The following CDYL variants were observed in gnomAD, a reference collection of about 807,000 sequenced individuals.
CDYL encodes chromodomain Y-like protein.
In CDYL, 8 loss-of-function variants were observed where a neutral mutation model predicts 47.3. That is an observed-to-expected ratio of 0.17 (90% CI 0.10 to 0.31). The LOEUF (loss-of-function observed/expected upper bound fraction) is 0.31, where lower values mean the gene tolerates loss of function less well. CDYL is among the 10% of genes least tolerant of loss of function. The probability of loss-of-function intolerance (pLI) is 1.00; values close to 1 mark genes in which losing one functional copy is unlikely to be tolerated. For synonymous variants in CDYL, 266 were observed against 265.0 expected (o/e 1.00, Z -0.04); for missense variants, 471 against 701.4 (o/e 0.67, Z 3.71).
intron 1 of CDYL, among the ~76,000 whole-genome samples, chr6:4,835,493 C>G (rs982203138): frequency 2.0e-5 from 3 of 152,228 alleles, no homozygotes; most frequent in African/African-American, 7.2e-5. Flanking sequence ...TGGGGAGTGC[C>G]TCCCAGTTAG....
chr6:4,933,306 C>T (rs965490390), intron 2 of CDYL, among the ~76,000 whole-genome samples: 2 of 152,202 alleles, frequency 1.3e-5, no homozygotes, highest in Non-Finnish European at 2.9e-5. Flanking sequence ...CACATCTCCA[C>T]CTGGATGCTC....
intron 2 of CDYL, among the ~76,000 whole-genome samples, chr6:4,717,115 G>A (rs931717393): frequency 1.3e-5 from 2 of 152,100 alleles, no homozygotes; most frequent in African/African-American, 2.4e-5. Flanking sequence ...TAGGATATAA[G>A]GGGTCCAAAG....
At chr6:4,891,151 G>A (rs774815161) in intron 1 of CDYL, among the ~76,000 whole-genome samples, 5 of 152,150 alleles carry the variant, frequency 3.3e-5, no homozygotes, top group African/African-American at 7.2e-5. Context: ...TAACCTGATC[G>A]CTCTAGACTG....
At chr6:4,882,303 A>G (rs778989983) in intron 1 of CDYL, among the ~76,000 whole-genome samples, 7 of 152,166 alleles carry the variant, frequency 4.6e-5, no homozygotes, top group Non-Finnish European at 4.4e-5. Context: ...AATCCATGGG[A>G]TTTGTAGCTG....
intron 1 of CDYL, among the ~76,000 whole-genome samples, chr6:4,891,012 T>C (rs546762961): frequency 1.3e-5 from 2 of 152,350 alleles, no homozygotes; most frequent in East Asian, 3.9e-4. Context: ...TGATAAAACG[T>C]GCTTACAAGG....
At chr6:4,791,022 C>T (rs1373933303) in intron 1 of CDYL, among the ~76,000 whole-genome samples, 1 of 152,176 alleles carries the variant, frequency 6.6e-6, no homozygotes, top group Non-Finnish European at 1.5e-5. Context: ...TAGGTACAAA[C>T]TGATGATTTA....
intron 3 of CDYL, among the ~76,000 whole-genome samples, chr6:4,756,351 A>G (rs1053670058): frequency 6.6e-6 from 1 of 152,142 alleles, no homozygotes; most frequent in African/African-American, 2.4e-5. Flanking sequence ...TGCTTGGAAT[A>G]GGCATTTTAC....
In CDYL at chr6:4,756,574, G is replaced by GTGTGTCTGTGTGTGTC. The variant is rs1382372874; in HGVS notation, c.186+21735_186+21736insCTGTGTGTGTCTGTGT. ...AGTAATTGTAGTAATTAAAATTATC[G>GTGTGTCTGTGTGTGTC]TGTGTATGTGTGTGTGTGTGTGTGT... On this transcript the variant is annotated intron_variant, in intron 3 of 8. Coordinates refer to the CDYL transcript ENST00000328908. 8.7e-3 allele frequency among the ~76,000 whole-genome samples: 1,155 copies of GTGTGTCTGTGTGTGTC among 133,426 alleles called. 16 individuals carry two copies. Among genetic ancestry groups the GTGTGTCTGTGTGTGTC allele is most frequent in the African/African-American group, 0.034 (1,038 of 30,560 alleles). 87.5% of individuals were successfully genotyped at this position (133,426 alleles called of 152,430 possible).
intron 1 of CDYL, among the ~76,000 whole-genome samples, chr6:4,807,924 A>C (rs1456392477): frequency 1.3e-5 from 2 of 151,602 alleles, no homozygotes; most frequent in Admixed American, 1.3e-4. Context: ...GTCTTTATGC[A>C]CTTAGATTTT....
chr6:4,841,368 T>C lies in CDYL; in HGVS notation c.25-50345T>C, dbSNP rs556230336. 5.3e-5 allele frequency among the ~76,000 whole-genome samples: 8 copies of C among 152,284 alleles called. No individual in the cohort carries two copies. The South Asian group carries it at 1.5e-3, about 28-fold the overall frequency. ...CCAGCTTTTTGTTTCATTTACCTTT[T>C]GTATTTATTTTTTGTTGGAATTTCA... is the stretch of plus-strand genomic sequence containing the variant. On this transcript the variant is annotated intron_variant, in intron 1 of 6. Transcript: ENST00000397588.
At chr6:4,766,305 G>T (rs1323178573) in intron 3 of CDYL, among the ~76,000 whole-genome samples, 1 of 152,076 alleles carries the variant, frequency 6.6e-6, no homozygotes, top group African/African-American at 2.4e-5. Flanking sequence ...CACCTCCTGG[G>T]TTCAAGTGAT....
At chr6:4,874,211 T>G (rs1280681524) in intron 1 of CDYL, among the ~76,000 whole-genome samples, 13 of 152,210 alleles carry the variant, frequency 8.5e-5, no homozygotes, top group Non-Finnish European at 4.4e-5. Flanking sequence ...ATGAATTGCT[T>G]ACTCAGAATT....
intron 2 of CDYL, among the ~76,000 whole-genome samples, chr6:4,734,429 G>T (rs1456397049): frequency 6.6e-6 from 1 of 152,158 alleles, no homozygotes; most frequent in East Asian, 1.9e-4. Flanking sequence ...ACCTTGGGCG[G>T]GTCACCAGCC....
intron 1 of CDYL, among the ~76,000 whole-genome samples, chr6:4,849,760 C>G (rs1366401489): frequency 6.6e-6 from 1 of 151,674 alleles, no homozygotes; most frequent in Non-Finnish European, 1.5e-5. Context: ...CTGTTAAGTG[C>G]CAGGCACTTA....
chr6:4,829,032 C>G (rs1251164583), intron 1 of CDYL, among the ~76,000 whole-genome samples: 1 of 152,010 alleles, frequency 6.6e-6, no homozygotes, highest in African/African-American at 2.4e-5. Context: ...CTTTCTTTTG[C>G]TTTTTGAGCT....
chr6:4,789,234 CCTGG>C, intron 1 of CDYL, among the ~76,000 whole-genome samples: 1 of 152,086 alleles, frequency 6.6e-6, no homozygotes, highest in Non-Finnish European at 1.5e-5. Context: ...CACCACCGTG[CCTGG>C]CTAATTTTTG....
chr6:4,749,353 T>TGGCTGG (rs1189541700), intron 3 of CDYL, among the ~76,000 whole-genome samples: 8 of 60,380 alleles, frequency 1.3e-4, no homozygotes, highest in Non-Finnish European at 5.6e-4. Flanking sequence ...GGATATGAGA[T>TGGCTGG]AGATGGATGG....
intron 1 of CDYL, among the ~76,000 whole-genome samples, chr6:4,884,032 G>A (rs1467050326): frequency 6.6e-6 from 1 of 152,202 alleles, no homozygotes; most frequent in Non-Finnish European, 1.5e-5. Context: ...CCCACTGTGA[G>A]AGCCATAGAC....
Position 4,890,368 on chromosome 6 carries a change from G to A in CDYL, c.25-1345G>A, listed in dbSNP as rs78769809. On this transcript the variant is annotated intron_variant, in intron 1 of 6. Coordinates refer to ENST00000397588, the MANE Select transcript of CDYL (RefSeq NM_004824.4). ...TTCCCTGCTATGATACGGACCGCGT[G>A]GACTCGCCCTTGGTGACCTGACGTT... 3.1e-3 allele frequency among the ~76,000 whole-genome samples: 477 copies of A among 152,312 alleles called. 2 individuals carry two copies. The highest frequency in any genetic ancestry group is 5.1e-3 in the Non-Finnish European group (344 of 68,032).
Sources: allele counts gnomAD v4.1 joint callset (sites outside exome capture counted in the v4.1 genomes callset), GRCh38; gene constraint gnomAD v4.1.1; transcripts MANE v1.5; gene names NCBI Gene and HGNC (gene_info 2026-07-23, HGNC 2026-07-21).